Variants in DNAAF1 observed in about 807,000 individuals in gnomAD.
The protein encoded by DNAAF1 is dynein assembly factor 1, axonemal.
Under a neutral mutation model 71.1 loss-of-function variants are expected in DNAAF1, and 65 were observed. The ratio of observed to expected loss-of-function variants is 0.91; its 90% CI spans 0.75 to 1.12. The LOEUF is 1.12. DNAAF1 is among the 50% of genes most tolerant of loss of function. The probability of loss-of-function intolerance (pLI) is 0.00; values close to 1 mark genes in which losing one functional copy is unlikely to be tolerated. For missense variants in DNAAF1, 1,178 were observed against 899.8 expected (o/e 1.31, Z -3.96); for synonymous variants, 414 against 354.6 (o/e 1.17, Z -1.88).
intron 1 of DNAAF1, among the ~76,000 whole-genome samples, chr16:84,148,098 G>T (rs1211188837): frequency 6.6e-6 from 1 of 151,886 alleles, no homozygotes; most frequent in African/African-American, 2.4e-5. Flanking sequence ...ATTTCACATA[G>T]AGTTGGTGTT....
intron 9 of DNAAF1, chr16:84,173,603 G>A: frequency 1.1e-6 from 1 of 899,466 alleles, no homozygotes; most frequent in South Asian, 5.1e-5. Flanking sequence ...GGAGGCCAAG[G>A]TGGGTGGATC....
At chr16:84,168,177 A>G (rs1419316891) in intron 7 of DNAAF1, among the ~76,000 whole-genome samples, 1 of 152,162 alleles carries the variant, frequency 6.6e-6, no homozygotes, top group African/African-American at 2.4e-5. Context: ...CTCACCTCCT[A>G]GAGGCCGCCT....
rs1156367242 is a variant in DNAAF1 at position 84,155,572 on chromosome 16, T to C, written c.575-11T>C. ...CCTTTGTTTTTGACTTCTGCTGACC[T>C]TACCTTCCAGCCTGCCTCCCAGTCC... On this transcript the variant is annotated splice_polypyrimidine_tract_variant and intron_variant, in intron 4 of 11. Transcript: ENST00000378553. The C allele has an allele frequency of 2.5e-6, 4 of 1,613,902 alleles. No homozygotes were observed. In the African/African-American group the frequency reaches 4.0e-5, roughly 16 times the overall value.
intron 2 of DNAAF1, among the ~76,000 whole-genome samples, 199 bp from the exon 3 acceptor site, chr16:84,150,052 C>T (rs971618431): frequency 5.3e-5 from 8 of 150,958 alleles, no homozygotes; most frequent in African/African-American, 1.7e-4. Flanking sequence ...AAATAATATT[C>T]GATGAGGCCC....
chr16:84,145,500 G>T lies in DNAAF1; in HGVS notation c.60G>T (p.Gln20His). The T allele has an allele frequency of 1.3e-6, 2 of 1,565,752 alleles. No individual in the cohort carries two copies. The highest frequency in any genetic ancestry group is 1.7e-6 in the Non-Finnish European group (2 of 1,154,948). The part of the protein sequence containing the change: ...TGGAAELDCA[Q>H]EPGVEESAGD... ...GTGCAGCAGAGCTGGATTGCGCGCAGGAGCCCGGCGTGGAGGAGTCTGCGG... is the reference window on the plus strand; with the variant it reads ...GTGCAGCAGAGCTGGATTGCGCGCATGAGCCCGGCGTGGAGGAGTCTGCGG... The change falls in exon 1 of 12, where the codon CAG (glutamine) becomes CAT (histidine). Residue 20 changes from glutamine (Q) to histidine (H), a missense_variant. Physicochemically the swap from Gln to His is conservative, Grantham distance 24 (BLOSUM62 0). Transcript: ENST00000378553.
intron 11 of DNAAF1, chr16:84,176,567 C>A (rs1263670295): frequency 1.1e-5 from 6 of 549,956 alleles, no homozygotes; most frequent in Middle Eastern, 9.8e-4. Flanking sequence ...GGGTCACAAT[C>A]CCCCTGTGGT....
chr16:84,177,477 T>A (rs1445852866), intron 11 of DNAAF1: 2 of 418,058 alleles, frequency 4.8e-6, no homozygotes, highest in East Asian at 1.1e-4. Flanking sequence ...TATAGGGGCC[T>A]GCCACCACGC....
At chr16:84,170,840 AATTG>A (rs1456039048) in intron 8 of DNAAF1, among the ~76,000 whole-genome samples, 5 of 151,300 alleles carry the variant, frequency 3.3e-5, no homozygotes, top group Non-Finnish European at 5.9e-5. Flanking sequence ...TCAAAAAATA[AATTG>A]ATTAATAAAT....
chr16:84,165,959 C>G lies in DNAAF1; in HGVS notation c.1030+10C>G. ...GAGAGTCAAGAGAGAGGTATGCGCT[C>G]GGCCGAAGACAACAGCCCCAGAGTT... On this transcript the variant is annotated intron_variant, in intron 7 of 11. Transcript: ENST00000378553. The G allele has an allele frequency of 1.2e-6, 2 of 1,610,890 alleles. No individual in the cohort carries two copies. The highest frequency in any genetic ancestry group is 1.7e-6 in the Non-Finnish European group (2 of 1,178,990).
In DNAAF1 at chr16:84,155,652, A is replaced by T; in HGVS notation, c.644A>T (p.His215Leu). ...NHLETVEDIQ[H>L]LQECLRLCVL... ...CTGGAGACCGTGGAGGACATTCAGC[A>T]TCTACAAGAGTGTTTGAGGCTTTGT... The change falls in exon 5 of 12, where the codon CAT becomes CTT. Residue 215 changes from histidine (H) to leucine (L), a missense_variant. By Grantham distance (99) the His-to-Leu change is moderately conservative. Coordinates refer to ENST00000378553, the MANE Select transcript of DNAAF1 (RefSeq NM_178452.6). The T allele has an allele frequency of 6.2e-7, 1 of 1,614,184 alleles. No homozygotes were observed. Among genetic ancestry groups the T allele is most frequent in the East Asian group, 2.2e-5 (1 of 44,880 alleles).
chr16:84,165,687 A>G (rs2087936175), intron 6 of DNAAF1, 96 bp from the exon 7 acceptor site: 1 of 1,199,212 alleles, frequency 8.3e-7, no homozygotes, highest in Non-Finnish European at 1.2e-6. Context: ...TCTGATGCTC[A>G]CTTTGCTTTG....
At position 84,145,420 on chromosome 16, in the gene DNAAF1, T is replaced by A; in HGVS notation, c.-21T>A. 1 of 1,574,906 alleles carries A rather than the reference T, an allele frequency of 6.3e-7. No homozygotes were observed. The highest frequency in any genetic ancestry group is 1.3e-5 in the African/African-American group (1 of 74,612). ...CTGGGCCCCCCAAAGCTGCGGGGCG[T>A]TCGGTGTCGCCGAAGTAAACATGCA... On this transcript the variant is annotated 5_prime_UTR_variant, in exon 1 of 12. Transcript: ENST00000378553.
chr16:84,174,848 A>G, intron 10 of DNAAF1, 126 bp downstream of exon 10: 2 of 1,218,290 alleles, frequency 1.6e-6, no homozygotes, highest in South Asian at 1.3e-5. Context: ...GAATTCCCCC[A>G]TATTCTTTTT....
chr16:84,177,544 G>C (rs1182863299), intron 11 of DNAAF1, 185 bp from the exon 12 acceptor site: 8 of 594,050 alleles, frequency 1.3e-5, no homozygotes, highest in Non-Finnish European at 1.6e-5. Flanking sequence ...GACCAGGCTG[G>C]TCTCGAACTC....
Position 84,155,758 on chromosome 16 carries a change from C to T in DNAAF1, c.741+9C>T. The T allele has an allele frequency of 6.2e-7, 1 of 1,613,744 alleles. No homozygotes were observed. The highest frequency in any genetic ancestry group is 2.2e-5 in the East Asian group (1 of 44,878). ...AAAGCATGCCCGATTTGGTAAAAAA[C>T]AAAAACAAAAACAACGAAAAAGCAC... On this transcript the variant is annotated intron_variant, in intron 5 of 11. Transcript: ENST00000378553.
At chr16:84,152,579 G>A (rs900029818) in intron 3 of DNAAF1, among the ~76,000 whole-genome samples, 2 of 151,404 alleles carry the variant, frequency 1.3e-5, no homozygotes, top group African/African-American at 4.9e-5. Flanking sequence ...GAACCCAGGA[G>A]GCTGTTTGCA....
chr16:84,147,903 TA>T (rs1172757737), intron 1 of DNAAF1, among the ~76,000 whole-genome samples: 8 of 152,100 alleles, frequency 5.3e-5, no homozygotes, highest in African/African-American at 1.9e-4. Flanking sequence ...CCGTCTCTAC[TA>T]AAAATACAAA....
At chr16:84,177,672 C>T in intron 11 of DNAAF1, 57 bp from the exon 12 acceptor site, 6 of 1,488,724 alleles carry the variant, frequency 4.0e-6, no homozygotes, top group East Asian at 4.5e-5. Context: ...AGGCTGCCCC[C>T]CTGTCCTTGC....
At position 84,176,126 on chromosome 16, in the gene DNAAF1, G is replaced by C. The variant is rs149357464; in HGVS notation, c.1892G>C (p.Arg631Thr). ...FTDIFKKEAK[R>T]DLEIRKQDTK... ...GACATCTTTAAAAAAGAAGCTAAGA[G>C]GGACTTGGAAATCCGAAAACAAGAC... The change falls in exon 11 of 12, where the codon AGG becomes ACG. Residue 631 changes from arginine (R) to threonine (T), a missense_variant. Physicochemically the swap from Arg to Thr is moderately conservative, Grantham distance 71. Transcript: ENST00000378553. The C allele has an allele frequency of 1.9e-6, 3 of 1,613,962 alleles. No individual in the cohort carries two copies. The highest frequency in any genetic ancestry group is 2.5e-6 in the Non-Finnish European group (3 of 1,179,964).
Sources: gnomAD v4.1 joint callset for allele counts (sites outside exome capture counted in the v4.1 genomes callset) on GRCh38, gnomAD v4.1.1 for gene constraint, MANE v1.5 for transcripts, NCBI Gene and HGNC (gene_info 2026-07-23, HGNC 2026-07-21) for gene names.